The following PTPRN2 variants were observed in gnomAD, a reference collection of about 807,000 sequenced individuals.
The protein encoded by PTPRN2 is protein tyrosine phosphatase receptor type N2, also known as receptor-type tyrosine-protein phosphatase N2.
In PTPRN2, 74 loss-of-function variants were observed where a neutral mutation model predicts 118.8. The observed-to-expected ratio is 0.62, with a 90% CI of 0.52 to 0.76. PTPRN2 has a LOEUF of 0.76. Ranked by LOEUF, PTPRN2 falls within the 30% of genes least tolerant of loss-of-function variation. The probability of loss-of-function intolerance (pLI) is 0.00; values close to 1 mark genes in which losing one functional copy is unlikely to be tolerated. For synonymous variants in PTPRN2, 641 were observed against 608.0 expected (o/e 1.05, Z -0.80); for missense variants, 1,481 against 1,394.4 (o/e 1.06, Z -0.99).
At chr7:157,719,248 C>T (rs1585300571) in intron 12 of PTPRN2, among the ~76,000 whole-genome samples, 1 of 152,248 alleles carries the variant, frequency 6.6e-6, no homozygotes, top group Admixed American at 6.5e-5. Flanking sequence ...TTCCAGGCCC[C>T]TCGTGCCAGG....
intron 11 of PTPRN2, among the ~76,000 whole-genome samples, chr7:158,055,677 G>A (rs1020694504): frequency 5.3e-5 from 8 of 152,106 alleles, no homozygotes; most frequent in Non-Finnish European, 7.4e-5. Context: ...CCTCTGCCTC[G>A]GCTGCCAAAC....
chr7:157,677,962 C>T (rs937576201), intron 13 of PTPRN2, among the ~76,000 whole-genome samples: 2 of 152,188 alleles, frequency 1.3e-5, no homozygotes, highest in Non-Finnish European at 2.9e-5. Context: ...ACCGAATCCA[C>T]GTCTCGAAAG....
intron 3 of PTPRN2, among the ~76,000 whole-genome samples, chr7:158,262,866 T>TCACACACTGCACACACATACATTCA (rs1797580746): frequency 1.6e-5 from 2 of 122,296 alleles, no homozygotes; most frequent in African/African-American, 6.5e-5. Context: ...TCACACACAT[T>TCACACACTGCACACACATACATTCA]CACACACTGC....
At chr7:157,814,439 G>T (rs908301352) in intron 12 of PTPRN2, among the ~76,000 whole-genome samples, 1 of 151,870 alleles carries the variant, frequency 6.6e-6, no homozygotes. Flanking sequence ...GGGGCAGGAC[G>T]GGAGCAGGAT....
At chr7:157,694,596 C>A (rs1415526923) in intron 12 of PTPRN2, among the ~76,000 whole-genome samples, 1 of 152,176 alleles carries the variant, frequency 6.6e-6, no homozygotes, top group African/African-American at 2.4e-5. Context: ...GTAAGTTACT[C>A]GCCAGATTTC....
intron 2 of PTPRN2, among the ~76,000 whole-genome samples, chr7:158,318,164 G>A (rs189513305): frequency 5.8e-4 from 88 of 152,270 alleles, no homozygotes; most frequent in Non-Finnish European, 8.1e-4. Flanking sequence ...CCCACCGTCC[G>A]TGATGGACAG....
At chr7:158,549,536 C>T (rs1586922269) in intron 1 of PTPRN2, among the ~76,000 whole-genome samples, 1 of 152,262 alleles carries the variant, frequency 6.6e-6, no homozygotes. Context: ...GTTCTGCTGG[C>T]TTTGTCTTCT....
intron 10 of PTPRN2, among the ~76,000 whole-genome samples, chr7:158,085,934 G>A (rs571309334): frequency 6.8e-5 from 10 of 147,596 alleles, no homozygotes; most frequent in African/African-American, 2.3e-4. Flanking sequence ...CACCCATGAC[G>A]CCCATCCACA....
At chr7:158,029,503 C>T (rs1330641895) in intron 11 of PTPRN2, 3 of 152,298 alleles carry the variant, frequency 2.0e-5, no homozygotes, top group Non-Finnish European at 4.4e-5. Flanking sequence ...TAACCGCCTT[C>T]TACCTTCAGC....
intron 12 of PTPRN2, among the ~76,000 whole-genome samples, chr7:157,832,258 T>C (rs1807616618): frequency 6.6e-6 from 1 of 152,164 alleles, no homozygotes; most frequent in South Asian, 2.1e-4. Flanking sequence ...AGGAGGATTA[T>C]TTCAGACCGA....
At chr7:158,063,513 A>C (rs1304908040) in intron 11 of PTPRN2, among the ~76,000 whole-genome samples, 1 of 152,224 alleles carries the variant, frequency 6.6e-6, no homozygotes, top group African/African-American at 2.4e-5. Flanking sequence ...CAGCAGTGGC[A>C]ACCCACTTGG....
Position 157,595,298 on chromosome 7 carries a change from C to T in PTPRN2, c.2436G>A (p.Arg812=). 1 of 1,614,220 alleles carries T rather than the reference C, an allele frequency of 6.2e-7. No homozygotes were observed. Among genetic ancestry groups the T allele is most frequent in the Admixed American group, 1.7e-5 (1 of 60,022 alleles). The change falls in exon 17 of 23, where the codon AGG becomes AGA. Residue 812 remains arginine (R), a synonymous_variant. Transcript: ENST00000389418. ...CCTGGGTGGCGATGTACGCGGGGTT[C>T]CTCGGGTCGTGATCCATCTGCAGAG... The part of the protein sequence containing the change: ...NASPIMDHDP[R]NPAYIATQGP...
chr7:158,192,580 G>A (rs1825865876), intron 4 of PTPRN2, 85 bp from the exon 5 acceptor site: 1 of 1,438,016 alleles, frequency 7.0e-7, no homozygotes, highest in Non-Finnish European at 9.2e-7. Context: ...CTGGGTGCAT[G>A]CAAGGGGCTG....
At chr7:158,181,839 T>C (rs1215489442) in intron 5 of PTPRN2, among the ~76,000 whole-genome samples, 1 of 152,234 alleles carries the variant, frequency 6.6e-6, no homozygotes, top group African/African-American at 2.4e-5. Flanking sequence ...TAATGGTCCA[T>C]CAATTTTGTT....
Position 157,906,580 on chromosome 7 carries a change from T to C in PTPRN2, c.1724-7843A>G, listed in dbSNP as rs111517835. On this transcript the variant is annotated intron_variant, in intron 11 of 22. Transcript: ENST00000389418. ...ATTCTATGAAAAAATGGGGTCTTTA[T>C]TCATACAAGGTTAAGAAATAGCCTG... is the stretch of plus-strand genomic sequence containing the variant. Among the ~76,000 whole-genome samples, 265 of 152,180 alleles carry C rather than the reference T, an allele frequency of 1.7e-3. 1 individual carries two copies. Among genetic ancestry groups the C allele is most frequent in the African/African-American group, 6.1e-3 (255 of 41,498 alleles).
At chr7:157,661,416 C>T (rs918504363) in intron 13 of PTPRN2, among the ~76,000 whole-genome samples, 7 of 152,258 alleles carry the variant, frequency 4.6e-5, no homozygotes, top group South Asian at 2.1e-4. Context: ...AACGCGCGGC[C>T]GGGGACGCTG....
At chr7:158,511,800 C>T (rs1823198496) in intron 1 of PTPRN2, among the ~76,000 whole-genome samples, 2 of 152,222 alleles carry the variant, frequency 1.3e-5, no homozygotes, top group African/African-American at 4.8e-5. Context: ...CCCACATGCA[C>T]ATTGCTAAGT....
At chr7:158,129,320 C>T (rs991748192) in intron 9 of PTPRN2, among the ~76,000 whole-genome samples, 1 of 150,782 alleles carries the variant, frequency 6.6e-6, no homozygotes, top group Non-Finnish European at 1.5e-5. Flanking sequence ...ACACTACACA[C>T]ATACTGTACA....
At chr7:157,604,361 T>C (rs1162464122) in intron 15 of PTPRN2, among the ~76,000 whole-genome samples, 3 of 152,166 alleles carry the variant, frequency 2.0e-5, no homozygotes, top group Non-Finnish European at 2.9e-5. Context: ...TCCCCTCCGT[T>C]TGTGATCCTC....
Sources: allele counts gnomAD v4.1 joint callset (sites outside exome capture counted in the v4.1 genomes callset), GRCh38; gene constraint gnomAD v4.1.1; transcripts MANE v1.5; gene names NCBI Gene and HGNC (gene_info 2026-07-23, HGNC 2026-07-21).